SLC36A1: variants seen among roughly 807,000 people sequenced by gnomAD.
SLC36A1 encodes the protein solute carrier family 36 member 1, also known as proton-coupled amino acid transporter 1.
A neutral mutation model predicts 47.5 loss-of-function variants in SLC36A1; 30 were observed. The ratio of observed to expected loss-of-function variants is 0.63; its 90% CI spans 0.47 to 0.86. The LOEUF (loss-of-function observed/expected upper bound fraction) is 0.86. Among genes scored for constraint, SLC36A1 ranks in the 40% least tolerant of loss-of-function variants. The probability of loss-of-function intolerance (pLI) is 0.00; values close to 1 mark genes in which losing one functional copy is unlikely to be tolerated. For missense variants in SLC36A1, 517 were observed against 606.0 expected, an observed-to-expected ratio of 0.85 and a Z score of 1.54; for synonymous variants, 255 against 249.7, an observed-to-expected ratio of 1.02 and a Z score of -0.20.
At chr5:151,457,013 G>A (rs531558264) in intron 1 of SLC36A1, among the ~76,000 whole-genome samples, 2 of 152,184 alleles carry the variant, frequency 1.3e-5, no homozygotes, top group Non-Finnish European at 2.9e-5. Flanking sequence ...GCCACATGCC[G>A]GAGGACAGTC....
At chr5:151,530,251 GA>G in the SLC36A1 span, among the ~76,000 whole-genome samples, 30,183 of 128,594 alleles carry the variant, frequency 0.23, 3,388 homozygotes, top group Admixed American at 0.35. Context: ...CTTAACACCA[GA>G]AAAAAAAAAA....
chr5:151,548,844 T>C, the SLC36A1 span, among the ~76,000 whole-genome samples: 1 of 152,224 alleles, frequency 6.6e-6, no homozygotes, highest in South Asian at 2.1e-4. Flanking sequence ...TATTCCCGTT[T>C]TTGAGATGAA....
At chr5:151,544,493 G>T in the SLC36A1 span, 1 of 1,613,938 alleles carries the variant, frequency 6.2e-7, no homozygotes, top group South Asian at 1.1e-5. Flanking sequence ...AGCATCAAGG[G>T]TTCTTCCTCC....
chr5:151,467,157 G>A, intron 5 of SLC36A1, 42 bp from the exon 6 acceptor site: 3 of 1,450,000 alleles, frequency 2.1e-6, no homozygotes, highest in Non-Finnish European at 1.9e-6. Flanking sequence ...CATTGCATTT[G>A]TATTGTAACA....
the SLC36A1 span, among the ~76,000 whole-genome samples, chr5:151,372,371 G>T: frequency 0.16 from 24,212 of 151,840 alleles, 2,194 homozygotes; most frequent in East Asian, 0.38. Flanking sequence ...TCAGAGAGAT[G>T]GAAATCATAC....
At chr5:151,538,066 C>A in the SLC36A1 span, 20 of 700,700 alleles carry the variant, frequency 2.9e-5, no homozygotes, top group South Asian at 1.4e-4. Context: ...AGGGCAGAGA[C>A]GAAGAGAGAC....
At chr5:151,522,878 G>A in the SLC36A1 span, among the ~76,000 whole-genome samples, 1 of 152,186 alleles carries the variant, frequency 6.6e-6, no homozygotes, top group African/African-American at 2.4e-5. Context: ...CACGCGCAGG[G>A]TTGCAGTTAA....
the SLC36A1 span, chr5:151,522,242 A>G: frequency 6.9e-6 from 4 of 578,432 alleles, no homozygotes; most frequent in East Asian, 1.1e-4. Context: ...AAAAAACCTA[A>G]CTCCAAAAGC....
At chr5:151,403,939 A>G in the SLC36A1 span, among the ~76,000 whole-genome samples, 487 of 152,268 alleles carry the variant, frequency 3.2e-3, 1 homozygote, top group Non-Finnish European at 3.5e-3. Context: ...ATAAGGTCCA[A>G]TTGGTCAGGG....
At chr5:151,367,946 A>G in the SLC36A1 span, among the ~76,000 whole-genome samples, 1 of 152,182 alleles carries the variant, frequency 6.6e-6, no homozygotes, top group East Asian at 1.9e-4. Flanking sequence ...GAAAAATCCA[A>G]CATGTGTCCT....
At chr5:151,446,546 C>T (rs932359082), upstream of SLC36A1, among the ~76,000 whole-genome samples, 7 of 152,096 alleles carry the variant, frequency 4.6e-5, no homozygotes, top group East Asian at 3.9e-4. Flanking sequence ...AAAAAAAAAG[C>T]GTGTTGTTTA....
chr5:151,512,329 T>C, the SLC36A1 span: 1 of 1,614,168 alleles, frequency 6.2e-7, no homozygotes, highest in Non-Finnish European at 8.5e-7. The surrounding 1 kb of genome is among the most constrained non-coding windows in gnomAD (Gnocchi z 4.1). Flanking sequence ...CACGACAGCA[T>C]CCAGGCAGCC....
chr5:151,508,046 C>T, the SLC36A1 span, among the ~76,000 whole-genome samples: 41 of 152,296 alleles, frequency 2.7e-4, no homozygotes, highest in Non-Finnish European at 4.1e-4. Context: ...CAGGAGCCAA[C>T]GTGGTCCTGC....
chr5:151,518,624 T>C, the SLC36A1 span, among the ~76,000 whole-genome samples: 4 of 152,182 alleles, frequency 2.6e-5, no homozygotes, highest in Non-Finnish European at 4.4e-5. Context: ...AGCCACTCTA[T>C]GATAAAGAGA....
At chr5:151,454,773 C>T (rs1490829073) in intron 1 of SLC36A1, among the ~76,000 whole-genome samples, 2 of 134,006 alleles carry the variant, frequency 1.5e-5, no homozygotes, top group East Asian at 2.3e-4. Context: ...AGTGCAGTGG[C>T]GCGATCTCGG....
the SLC36A1 span, among the ~76,000 whole-genome samples, chr5:151,401,607 C>T: frequency 6.6e-6 from 1 of 152,224 alleles, no homozygotes; most frequent in East Asian, 1.9e-4. Flanking sequence ...CTGTATATTG[C>T]TTTTGGCAGT....
chr5:151,540,092 G>A, the SLC36A1 span, among the ~76,000 whole-genome samples: 16 of 152,356 alleles, frequency 1.1e-4, no homozygotes, highest in Middle Eastern at 3.4e-3. Flanking sequence ...ATTGGGCATG[G>A]CTGGCTGTAT....
intron 1 of SLC36A1, among the ~76,000 whole-genome samples, chr5:151,448,752 A>G (rs1244745382): frequency 1.3e-5 from 2 of 152,242 alleles, no homozygotes; most frequent in African/African-American, 4.8e-5. Context: ...TGGACAGAAC[A>G]GAGATTGGGG....
chr5:151,505,357 G>A, the SLC36A1 span: 1 of 624,378 alleles, frequency 1.6e-6, no homozygotes, highest in African/African-American at 1.8e-5. Context: ...GGACCCTAGT[G>A]CTGTTTCTGG....
Sources: allele counts gnomAD v4.1 joint callset (sites outside exome capture counted in the v4.1 genomes callset), GRCh38; gene constraint gnomAD v4.1.1; non-coding constraint Gnocchi (gnomAD v3.1); transcripts MANE v1.5; gene names NCBI Gene and HGNC (gene_info 2026-07-23, HGNC 2026-07-21).